CAMTA1: variants seen among roughly 807,000 people sequenced by gnomAD.
CAMTA1 encodes the protein calmodulin binding transcription activator 1.
Under a neutral mutation model 170.9 loss-of-function variants are expected in CAMTA1, and 27 were observed. The ratio of observed to expected loss-of-function variants is 0.16; its 90% CI spans 0.12 to 0.22. The LOEUF (loss-of-function observed/expected upper bound fraction) is 0.22, where lower values mean the gene tolerates loss of function less well. Ranked by LOEUF, CAMTA1 falls within the 10% of genes least tolerant of loss-of-function variation. The probability of loss-of-function intolerance (pLI) is 1.00; values close to 1 mark genes in which losing one functional copy is unlikely to be tolerated. For synonymous variants in CAMTA1, 833 were observed against 891.5 expected, an observed-to-expected ratio of 0.93 and a Z score of 1.17; for missense variants, 1,619 against 2,217.2, an observed-to-expected ratio of 0.73 and a Z score of 5.42.
At chr1:7,391,721 A>G (rs1557641245) in intron 5 of CAMTA1, among the ~76,000 whole-genome samples, 1 of 152,132 alleles carries the variant, frequency 6.6e-6, no homozygotes, top group Non-Finnish European at 1.5e-5. Flanking sequence ...TCCCTATAGC[A>G]TTGCCTTTTC....
chr1:7,444,479 G>A (rs2092630024), intron 5 of CAMTA1, among the ~76,000 whole-genome samples: 1 of 152,250 alleles, frequency 6.6e-6, no homozygotes, highest in South Asian at 2.1e-4. Flanking sequence ...CCCAGCCCAA[G>A]GTTCTGTTTG....
At chr1:7,199,876 G>T (rs536757092) in intron 4 of CAMTA1, among the ~76,000 whole-genome samples, 1 of 152,276 alleles carries the variant, frequency 6.6e-6, no homozygotes, top group South Asian at 2.1e-4. Flanking sequence ...GTAAAACACA[G>T]TTATTGCGTA....
chr1:7,311,895 G>T (rs896571878), intron 5 of CAMTA1, among the ~76,000 whole-genome samples: 3 of 152,138 alleles, frequency 2.0e-5, no homozygotes, highest in Non-Finnish European at 4.4e-5. Context: ...TGTGGGTGTA[G>T]GTTATCCCGT....
chr1:7,043,521 T>C (rs1044702352), intron 3 of CAMTA1, among the ~76,000 whole-genome samples: 8 of 152,362 alleles, frequency 5.3e-5, no homozygotes, highest in Middle Eastern at 3.4e-3. Context: ...CCGGGAAATG[T>C]GAGCCATCAA....
chr1:7,699,344 T>C (rs1448999205), intron 11 of CAMTA1, among the ~76,000 whole-genome samples: 2 of 152,144 alleles, frequency 1.3e-5, no homozygotes, highest in Non-Finnish European at 2.9e-5. Flanking sequence ...CACCATAAAC[T>C]TTCCTAATCT....
intron 3 of CAMTA1, among the ~76,000 whole-genome samples, chr1:7,035,817 G>A (rs897871252): frequency 2.0e-5 from 3 of 152,064 alleles, no homozygotes; most frequent in Non-Finnish European, 4.4e-5. Context: ...ATAGAAATTC[G>A]GAAACAATTT....
At position 7,067,897 on chromosome 1, in the gene CAMTA1, T is replaced by C. The variant is rs1709164488; in HGVS notation, c.235-23407T>C. Reference sequence around the variant, plus strand: ...TATTGCCAGTGAGATGGCTAGGCACTTCTAGGACAATTTCCTGGCTCTTAA... The same window carrying C: ...TATTGCCAGTGAGATGGCTAGGCACCTCTAGGACAATTTCCTGGCTCTTAA... On this transcript the variant is annotated intron_variant, in intron 3 of 22. Coordinates refer to ENST00000303635, the MANE Select transcript of CAMTA1 (RefSeq NM_015215.4). This position sits in a 1 kb window ranked among gnomAD's most constrained non-coding sequence, Gnocchi z 4.3. 6.6e-6 allele frequency among the ~76,000 whole-genome samples: 1 copy of C among 152,230 alleles called. No homozygotes were observed. Among genetic ancestry groups the C allele is most frequent in the Admixed American group, 6.5e-5 (1 of 15,280 alleles).
intron 4 of CAMTA1, among the ~76,000 whole-genome samples, chr1:7,147,828 C>T (rs1646310708): frequency 6.7e-6 from 1 of 150,292 alleles, no homozygotes; most frequent in South Asian, 2.1e-4. Context: ...CATGCACACA[C>T]ACAAACTCAT....
chr1:6,821,089 G>A (rs996158047), intron 2 of CAMTA1, among the ~76,000 whole-genome samples: 2 of 152,202 alleles, frequency 1.3e-5, no homozygotes, highest in East Asian at 1.9e-4. Flanking sequence ...AAATAGAAGC[G>A]GTAAGTTGAT....
At chr1:7,017,028 T>C (rs1371964936) in intron 3 of CAMTA1, among the ~76,000 whole-genome samples, 2 of 152,192 alleles carry the variant, frequency 1.3e-5, no homozygotes, top group African/African-American at 4.8e-5. Flanking sequence ...CTGGGACCTG[T>C]ACACAGGTGC....
Position 7,663,795 on chromosome 1 carries a change from T to C in CAMTA1, c.1248T>C (p.Ala416=). The change falls in exon 9 of 23, where the codon GCT becomes GCC. Residue 416 remains alanine, a synonymous_variant. Transcript: ENST00000303635. ...NEAVYTMSPT[A]GPNHHLLSPD... ...CCGTGTACACCATGTCCCCCACCGC[T>C]GGCCCCAACCACCACCTCCTCTCAC... The C allele has an allele frequency of 6.2e-7, 1 of 1,614,158 alleles. No individual in the cohort carries two copies. Among genetic ancestry groups the C allele is most frequent in the Non-Finnish European group, 8.5e-7 (1 of 1,180,032 alleles).
chr1:7,710,040 G>A (rs2096557502), intron 11 of CAMTA1, among the ~76,000 whole-genome samples: 1 of 152,190 alleles, frequency 6.6e-6, no homozygotes, highest in Non-Finnish European at 1.5e-5. Flanking sequence ...TCTGTGGTAT[G>A]TGTCTGTTAT....
chr1:6,942,962 G>A (rs778102368), intron 3 of CAMTA1, among the ~76,000 whole-genome samples: 6 of 152,192 alleles, frequency 3.9e-5, no homozygotes, highest in Non-Finnish European at 5.9e-5. Flanking sequence ...AGGGCAGAAC[G>A]AGAACACGAA....
chr1:7,227,315 C>T (rs1661883377), intron 4 of CAMTA1, among the ~76,000 whole-genome samples: 1 of 152,092 alleles, frequency 6.6e-6, no homozygotes, highest in Non-Finnish European at 1.5e-5. Flanking sequence ...GTGAACTTAT[C>T]CCTTTGTTTT....
rs550750271 is a variant in CAMTA1 at position 7,592,576 on chromosome 1, G to A, written c.511-47824G>A. ...CAGGGACTCTTAGGGACACAGGGCC[G>A]TGGGAAAGACCTGCTGTCCTGCAAG... On this transcript the variant is annotated intron_variant, in intron 6 of 22. Coordinates refer to ENST00000303635, the MANE Select transcript of CAMTA1 (RefSeq NM_015215.4). This position sits in a 1 kb window ranked among gnomAD's most constrained non-coding sequence, Gnocchi z 4.6. 1.6e-4 allele frequency among the ~76,000 whole-genome samples: 25 copies of A among 152,316 alleles called. No individual in the cohort carries two copies. Among genetic ancestry groups the A allele is most frequent in the South Asian group, 8.3e-4 (4 of 4,820 alleles).
intron 3 of CAMTA1, among the ~76,000 whole-genome samples, chr1:6,899,564 A>G (rs1045001771): frequency 2.3e-4 from 32 of 138,972 alleles, no homozygotes; most frequent in South Asian, 8.3e-4. Flanking sequence ...GCACACACAC[A>G]CACACACACA....
intron 5 of CAMTA1, among the ~76,000 whole-genome samples, chr1:7,364,222 G>C (rs11811393): frequency 6.6e-6 from 1 of 152,170 alleles, no homozygotes; most frequent in South Asian, 2.1e-4. Context: ...TGCAGGCAGC[G>C]AGACCAGCGA....
chr1:7,582,113 G>T (rs899564127), intron 6 of CAMTA1, among the ~76,000 whole-genome samples: 4 of 152,198 alleles, frequency 2.6e-5, no homozygotes, highest in African/African-American at 9.6e-5. Flanking sequence ...AGCAGGAGGA[G>T]CTGGCTCTGA....
Position 6,941,239 on chromosome 1 carries a change from G to A in CAMTA1, c.234+116029G>A, listed in dbSNP as rs556365164. Reference sequence around the variant, plus strand: ...CCAGCATGACTGGGAATTGTTTTCAGTTGTCTGCGGGGCACTGGGCACAGC... The same window carrying A: ...CCAGCATGACTGGGAATTGTTTTCAATTGTCTGCGGGGCACTGGGCACAGC... On this transcript the variant is annotated intron_variant, in intron 3 of 22. Transcript: ENST00000303635. Among the ~76,000 whole-genome samples the A allele has an allele frequency of 3.9e-5, 6 of 152,242 alleles. No homozygotes were observed. The South Asian group carries it at 1.2e-3, about 32-fold the overall frequency.
Sources: gnomAD v4.1 joint callset for allele counts (sites outside exome capture counted in the v4.1 genomes callset) on GRCh38, gnomAD v4.1.1 for gene constraint, Gnocchi (gnomAD v3.1) non-coding constraint, MANE v1.5 for transcripts, NCBI Gene and HGNC (gene_info 2026-07-23, HGNC 2026-07-21) for gene names.